The following TCF12 variants were observed in gnomAD, a reference collection of about 807,000 sequenced individuals.
The protein encoded by TCF12 is transcription factor 12, also known as DNA-binding protein HTF4.
A neutral mutation model predicts 86.0 loss-of-function variants in TCF12; 45 were observed. The ratio of observed to expected loss-of-function variants is 0.52; its 90% CI spans 0.41 to 0.67. The LOEUF (loss-of-function observed/expected upper bound fraction) is 0.67. Ranked by LOEUF, TCF12 falls within the 30% of genes least tolerant of loss-of-function variation. TCF12 has a pLI of 0.00. For missense variants in TCF12, 881 were observed against 859.9 expected (o/e 1.02, Z -0.31); for synonymous variants, 330 against 299.6 (o/e 1.10, Z -1.05).
intron 3 of TCF12, among the ~76,000 whole-genome samples, chr15:56,923,838 T>C (rs1225061464): frequency 6.6e-6 from 1 of 152,144 alleles, no homozygotes; most frequent in Non-Finnish European, 1.5e-5. Flanking sequence ...CTCTGGTGTT[T>C]CTATCTAGAA....
chr15:57,014,406 G>A (rs1427945078), intron 3 of TCF12, among the ~76,000 whole-genome samples: 1 of 147,808 alleles, frequency 6.8e-6, no homozygotes, highest in Non-Finnish European at 1.5e-5. Context: ...TGTTGGAGTG[G>A]TCACAAAATT....
intron 3 of TCF12, among the ~76,000 whole-genome samples, chr15:57,041,432 A>G (rs2066891490): frequency 6.6e-6 from 1 of 152,208 alleles, no homozygotes; most frequent in South Asian, 2.1e-4. Flanking sequence ...TCACATAAGT[A>G]TAATTTGCAA....
intron 5 of TCF12, among the ~76,000 whole-genome samples, chr15:57,106,615 G>C (rs1412424786): frequency 6.6e-6 from 1 of 152,140 alleles, no homozygotes; most frequent in East Asian, 1.9e-4. Flanking sequence ...AATTGCTCAA[G>C]GTAATGAAAA....
At chr15:57,232,571 T>C in intron 10 of TCF12, 141 bp downstream of exon 10, 1 of 1,447,706 alleles carries the variant, frequency 6.9e-7, no homozygotes, top group Non-Finnish European at 9.3e-7. Flanking sequence ...TACCATGCCT[T>C]TCTAAAAAAT....
chr15:57,103,222 G>A (rs893981820), intron 5 of TCF12, among the ~76,000 whole-genome samples: 1 of 152,188 alleles, frequency 6.6e-6, no homozygotes, highest in African/African-American at 2.4e-5. Flanking sequence ...TCTAGGCTGT[G>A]TATAAATAAT....
intron 5 of TCF12, among the ~76,000 whole-genome samples, chr15:57,114,556 T>A (rs1002765161): frequency 6.6e-6 from 1 of 152,118 alleles, no homozygotes; most frequent in African/African-American, 2.4e-5. Flanking sequence ...CTTGGGCCTC[T>A]GAAAGTGCTG....
At chr15:57,077,745 T>TA (rs371836719) in intron 4 of TCF12, among the ~76,000 whole-genome samples, 55,145 of 145,004 alleles carry the variant, frequency 0.38, 10,919 homozygotes, top group Non-Finnish European at 0.46. Context: ...CTGTAGTTTT[T>TA]TAAAAAAAAA....
intron 3 of TCF12, among the ~76,000 whole-genome samples, chr15:57,041,960 T>C (rs2066920945): frequency 1.3e-5 from 2 of 152,248 alleles, no homozygotes. Flanking sequence ...GAACACGTTT[T>C]TTCCCTAAGC....
At chr15:57,282,651 TA>T in intron 20 of TCF12, 53 bp downstream of exon 20, 1 of 1,567,274 alleles carries the variant, frequency 6.4e-7, no homozygotes, top group East Asian at 2.2e-5. Context: ...AGATTCATCT[TA>T]AACTGGGTTA....
At chr15:57,235,879 G>A (rs546153972) in intron 12 of TCF12, among the ~76,000 whole-genome samples, 2 of 152,162 alleles carry the variant, frequency 1.3e-5, no homozygotes, top group South Asian at 4.2e-4. Flanking sequence ...GTTCTCAGTG[G>A]CCCTTCAAGT....
intron 11 of TCF12, among the ~76,000 whole-genome samples, chr15:57,233,057 TTA>T (rs1453918202): frequency 1.5e-5 from 2 of 130,328 alleles, no homozygotes; most frequent in African/African-American, 5.0e-5. Flanking sequence ...TGTATATGTG[TTA>T]TATATGTATA....
intron 3 of TCF12, among the ~76,000 whole-genome samples, chr15:57,018,291 T>A (rs2065268413): frequency 6.6e-6 from 1 of 152,124 alleles, no homozygotes; most frequent in Admixed American, 6.6e-5. Context: ...TAACATTGAT[T>A]AGTGATTGGC....
Position 56,921,041 on chromosome 15 carries a change from G to A in TCF12, c.91G>A (p.Val31Ile). The A allele has an allele frequency of 1.2e-6, 2 of 1,601,724 alleles. No homozygotes were observed. The highest frequency in any genetic ancestry group is 1.7e-6 in the Non-Finnish European group (2 of 1,173,270). ...LDFSAMFSPP[V>I]NSGKTRPTTL... ...TATTTTGCAGATGTTTTCCCCACCT[G>A]TTAATAGTGGGAAAACTAGACCAAC... The change falls in exon 3 of 21, where the codon GTT (valine) becomes ATT (isoleucine). Residue 31 changes from valine to isoleucine, a missense_variant. Coordinates refer to ENST00000333725, the MANE Select transcript of TCF12 (RefSeq NM_207037.2).
chr15:57,238,777 T>A (rs2059483844), intron 12 of TCF12, among the ~76,000 whole-genome samples: 1 of 152,206 alleles, frequency 6.6e-6, no homozygotes, highest in African/African-American at 2.4e-5. Context: ...CAGTATAAGT[T>A]TCCTGTCTTC....
chr15:57,192,033 A>G, intron 6 of TCF12, 125 bp from the exon 7 acceptor site: 1 of 1,050,756 alleles, frequency 9.5e-7, no homozygotes, highest in East Asian at 2.4e-5. Flanking sequence ...TTCAAAACGT[A>G]CTTAATGGGT....
intron 8 of TCF12, among the ~76,000 whole-genome samples, chr15:57,215,979 C>T (rs1242146440): frequency 2.0e-5 from 3 of 152,104 alleles, no homozygotes; most frequent in Non-Finnish European, 4.4e-5. Flanking sequence ...CTGAAGTTTC[C>T]AGAGAGCTCT....
chr15:57,200,839 A>G (rs2126399), intron 8 of TCF12, among the ~76,000 whole-genome samples: 149,181 of 152,278 alleles, frequency 0.98, 73,156 homozygotes, highest in East Asian at 1. Context: ...GGTCTAACTA[A>G]GCTGTATTAA....
chr15:56,928,122 T>C (rs1278050391), intron 3 of TCF12, among the ~76,000 whole-genome samples: 8 of 152,202 alleles, frequency 5.3e-5, no homozygotes, highest in African/African-American at 1.7e-4. Context: ...TTGGAATCGA[T>C]GACTTGCAGC....
intron 3 of TCF12, among the ~76,000 whole-genome samples, chr15:56,996,846 C>T (rs952397736): frequency 6.6e-6 from 1 of 152,128 alleles, no homozygotes; most frequent in African/African-American, 2.4e-5. Flanking sequence ...AGAAGACATA[C>T]AAGTAGCCAA....
Sources: allele counts gnomAD v4.1 joint callset (sites outside exome capture counted in the v4.1 genomes callset), GRCh38; gene constraint gnomAD v4.1.1; transcripts MANE v1.5; gene names NCBI Gene and HGNC (gene_info 2026-07-23, HGNC 2026-07-21).